Variants in SPRED2 observed in about 807,000 individuals in gnomAD.
SPRED2 encodes sprouty-related, EVH1 domain-containing protein 2.
A neutral mutation model predicts 43.0 loss-of-function variants in SPRED2; 47 were observed. The observed-to-expected ratio is 1.09, with a 90% CI of 0.87 to 1.40. The LOEUF (loss-of-function observed/expected upper bound fraction) is 1.40. Among genes scored for constraint, SPRED2 ranks in the 40% most tolerant of loss-of-function variants. The probability of loss-of-function intolerance (pLI) is 0.00; values close to 1 mark genes in which losing one functional copy is unlikely to be tolerated. For synonymous variants in SPRED2, 225 were observed against 225.7 expected, an observed-to-expected ratio of 1.00 and a Z score of 0.03; for missense variants, 561 against 586.4, an observed-to-expected ratio of 0.96 and a Z score of 0.45.
chr2:65,392,809 ACT>A (rs1433590533), intron 1 of SPRED2, among the ~76,000 whole-genome samples: 1 of 152,196 alleles, frequency 6.6e-6, no homozygotes, highest in Non-Finnish European at 1.5e-5. Flanking sequence ...TGCCAGGGAC[ACT>A]CAGTCCTCCC....
intron 1 of SPRED2, among the ~76,000 whole-genome samples, chr2:65,363,239 C>CAAAA (rs141094707): frequency 2.9e-5 from 3 of 103,056 alleles, no homozygotes; most frequent in East Asian, 2.8e-4. Flanking sequence ...AACTCCGTCT[C>CAAAA]AAAAAAAAAA....
At chr2:65,343,452 T>C (rs1674248249) in intron 2 of SPRED2, among the ~76,000 whole-genome samples, 1 of 152,204 alleles carries the variant, frequency 6.6e-6, no homozygotes. Context: ...CTATAAGAAG[T>C]GCTTGCAAAA....
At chr2:65,394,720 G>A (rs1675714670) in intron 1 of SPRED2, among the ~76,000 whole-genome samples, 1 of 152,102 alleles carries the variant, frequency 6.6e-6, no homozygotes, top group African/African-American at 2.4e-5. Context: ...GAGGGGTTTT[G>A]CTTACTATTT....
At chr2:65,381,805 T>G (rs981155419) in intron 1 of SPRED2, among the ~76,000 whole-genome samples, 20 of 152,240 alleles carry the variant, frequency 1.3e-4, no homozygotes, top group Admixed American at 2.0e-4. Flanking sequence ...TGCCTGGACC[T>G]CTGAAGTCAA....
intron 1 of SPRED2, among the ~76,000 whole-genome samples, chr2:65,377,019 C>A (rs1304072599): frequency 6.6e-6 from 1 of 152,190 alleles, no homozygotes; most frequent in Non-Finnish European, 1.5e-5. Flanking sequence ...TGGCCACAAT[C>A]TTTCCATATT....
chr2:65,364,676 G>C lies in SPRED2; in HGVS notation c.27-19780C>G, dbSNP rs114822579. ...GCGAGTCCCAACTATACAAATCACA[G>C]AAAAACAAGACACAGAAAGTGTCAC... On this transcript the variant is annotated intron_variant, in intron 1 of 5. Transcript: ENST00000356388. Among the ~76,000 whole-genome samples, 417 of 152,000 alleles carry C rather than the reference G, an allele frequency of 2.7e-3. 2 individuals carry two copies. Among genetic ancestry groups the C allele is most frequent in the African/African-American group, 9.2e-3 (381 of 41,458 alleles).
chr2:65,307,544 C>A (rs1672965808), downstream of SPRED2, among the ~76,000 whole-genome samples: 3 of 125,890 alleles, frequency 2.4e-5, no homozygotes, highest in African/African-American at 9.0e-5. Flanking sequence ...ATCACAACCC[C>A]TTCTCAAAAA....
At chr2:65,377,466 C>G in intron 1 of SPRED2, 2 of 401,304 alleles carry the variant, frequency 5.0e-6, no homozygotes, top group Non-Finnish European at 5.2e-6. Flanking sequence ...CTCCTCTTGC[C>G]GACCCCCCAA....
chr2:65,317,946 A>G (rs941301725), intron 4 of SPRED2, among the ~76,000 whole-genome samples: 6 of 152,082 alleles, frequency 3.9e-5, no homozygotes, highest in African/African-American at 1.4e-4. Flanking sequence ...ATTAGCTATC[A>G]GTGCGCACTG....
chr2:65,353,963 T>G (rs142423456), intron 1 of SPRED2, among the ~76,000 whole-genome samples: 1 of 152,236 alleles, frequency 6.6e-6, no homozygotes, highest in Non-Finnish European at 1.5e-5. Flanking sequence ...CAAGGCAGTG[T>G]GCCATGCACC....
intron 4 of SPRED2, among the ~76,000 whole-genome samples, chr2:65,322,233 TC>T (rs1218936438): frequency 5.0e-4 from 7 of 14,110 alleles, no homozygotes; most frequent in Admixed American, 3.9e-3. Context: ...TCCTTTCCTC[TC>T]TCTCTCTCTC....
intron 1 of SPRED2, among the ~76,000 whole-genome samples, chr2:65,376,403 G>A (rs1675238757): frequency 6.6e-6 from 1 of 152,122 alleles, no homozygotes; most frequent in Non-Finnish European, 1.5e-5. Flanking sequence ...GCATAATGAA[G>A]CCATTAATTT....
chr2:65,357,042 T>C (rs1027774409), intron 1 of SPRED2, among the ~76,000 whole-genome samples: 4 of 152,092 alleles, frequency 2.6e-5, no homozygotes, highest in African/African-American at 9.7e-5. Flanking sequence ...AAGAAGGTGA[T>C]AATTTAACCT....
chr2:65,397,652 CAT>C (rs1572892742), intron 1 of SPRED2, among the ~76,000 whole-genome samples: 1 of 144,466 alleles, frequency 6.9e-6, no homozygotes, highest in Non-Finnish European at 1.5e-5. Context: ...TACAAGGTAA[CAT>C]ATGTATAATC....
chr2:65,307,959 AT>A (rs1672976611), downstream of SPRED2, among the ~76,000 whole-genome samples: 1 of 69,690 alleles, frequency 1.4e-5, no homozygotes, highest in Non-Finnish European at 3.0e-5. Flanking sequence ...CGCCCCCCCC[AT>A]TCACACAGAT....
chr2:65,344,441 T>C, intron 2 of SPRED2: 1 of 532,074 alleles, frequency 1.9e-6, no homozygotes, highest in Non-Finnish European at 3.6e-6. Context: ...AATACCTTTT[T>C]ACAATGATAG....
chr2:65,428,221 C>T (rs895932967), intron 1 of SPRED2, among the ~76,000 whole-genome samples: 1 of 152,198 alleles, frequency 6.6e-6, no homozygotes, highest in African/African-American at 2.4e-5. Flanking sequence ...CGTAGGCTGT[C>T]TCATTTAATT....
intron 2 of SPRED2, chr2:65,344,143 A>AC (rs199687151): frequency 0.27 from 42,792 of 156,722 alleles, 7,586 homozygotes; most frequent in East Asian, 0.7. Flanking sequence ...TCTCAAAAAA[A>AC]AAAAAAAAAA....
rs184723021 is a variant in SPRED2 at position 65,312,139 on chromosome 2, A to G, written c.*1362T>C. On this transcript the variant is annotated 3_prime_UTR_variant, in exon 6 of 6. Coordinates refer to ENST00000356388, the MANE Select transcript of SPRED2 (RefSeq NM_181784.3). The stretch of plus-strand genomic sequence containing the variant: ...AATCCTTGCAACGTATTAGAAAAAT[A>G]CTCTTTTCCAGCTAATTAGAAGCCT... The G allele has an allele frequency of 6.1e-6, 6 of 985,468 alleles. No homozygotes were observed. Among genetic ancestry groups the G allele is most frequent in the Non-Finnish European group, 7.2e-6 (6 of 829,936 alleles). 61.0% of individuals were successfully genotyped at this position (985,468 alleles called of 1,614,324 possible).
Sources: gnomAD v4.1 joint callset for allele counts (sites outside exome capture counted in the v4.1 genomes callset) on GRCh38, gnomAD v4.1.1 for gene constraint, MANE v1.5 for transcripts, NCBI Gene and HGNC (gene_info 2026-07-23, HGNC 2026-07-21) for gene names.